The following MSH3 variants were observed in gnomAD, a reference collection of about 807,000 sequenced individuals.
The protein encoded by MSH3 is DNA mismatch repair protein Msh3.
Under a neutral mutation model 123.3 loss-of-function variants are expected in MSH3, and 106 were observed. The ratio of observed to expected loss-of-function variants is 0.86; its 90% CI spans 0.73 to 1.01. MSH3 has a LOEUF of 1.01. Among genes scored for constraint, MSH3 ranks in the 50% least tolerant of loss-of-function variants. The pLI is 0.00. For missense variants in MSH3, 1,459 were observed against 1,347.6 expected, an observed-to-expected ratio of 1.08 and a Z score of -1.29; for synonymous variants, 515 against 481.4, an observed-to-expected ratio of 1.07 and a Z score of -0.91.
chr5:80,740,602 C>T (rs1225476789), intron 10 of MSH3, among the ~76,000 whole-genome samples: 1 of 152,152 alleles, frequency 6.6e-6, no homozygotes, highest in East Asian at 1.9e-4. Flanking sequence ...CCTCGTGATC[C>T]ACCCACCTTG....
rs1744697557 is a variant in MSH3, at chr5:80,796,285, T to G, written c.2655+3441T>G. Among the ~76,000 whole-genome samples the G allele has an allele frequency of 2.6e-5, 4 of 152,150 alleles. No individual in the cohort carries two copies. In the South Asian group the frequency reaches 8.3e-4, roughly 32 times the overall value. The stretch of plus-strand genomic sequence containing the variant: ...CAAGATTTGAAGAACTAAAATAGCC[T>G]TCTGTCTAATTACAATAATGTTTTA... On this transcript the variant is annotated intron_variant, in intron 19 of 23. Coordinates refer to ENST00000265081, the MANE Select transcript of MSH3 (RefSeq NM_002439.5).
chr5:80,812,367 CT>C (rs1180084952), intron 19 of MSH3, among the ~76,000 whole-genome samples: 2 of 152,096 alleles, frequency 1.3e-5, no homozygotes, highest in African/African-American at 4.8e-5. Context: ...CTCTTTACCC[CT>C]GGTCTAAATA....
chr5:80,768,907 T>G lies in MSH3; in HGVS notation c.2157T>G (p.Ile719Met), dbSNP rs764309261. The change falls in exon 15 of 24, where the codon ATT becomes ATG. Residue 719 changes from isoleucine (I) to methionine (M), a missense_variant. Ile to Met is a conservative substitution (Grantham distance 10). Transcript: ENST00000265081. The part of the protein sequence containing the change: ...FPLIKKRKDE[I>M]QGVIDEIRMH... ...TAATAAAAAAGAGGAAGGATGAAAT[T>G]CAAGGTGTTATTGACGAGATCCGAA... 1.9e-6 allele frequency: 3 copies of G among 1,612,282 alleles called. No individual in the cohort carries two copies. Among genetic ancestry groups the G allele is most frequent in the South Asian group, 2.2e-5 (2 of 91,000 alleles).
intron 2 of MSH3, among the ~76,000 whole-genome samples, chr5:80,664,768 T>G (rs1162520587): frequency 6.6e-6 from 1 of 152,192 alleles, no homozygotes; most frequent in Non-Finnish European, 1.5e-5. Context: ...GACTTAGTAT[T>G]TAGCTCTCAG....
intron 22 of MSH3, among the ~76,000 whole-genome samples, chr5:80,868,373 C>T (rs1187015311): frequency 6.6e-6 from 1 of 151,658 alleles, no homozygotes; most frequent in Non-Finnish European, 1.5e-5. Context: ...TACCTAAATG[C>T]TTATCAACGG....
chr5:80,821,450 GA>G (rs1320111674), intron 20 of MSH3, among the ~76,000 whole-genome samples: 1 of 152,058 alleles, frequency 6.6e-6, no homozygotes, highest in African/African-American at 2.4e-5. Context: ...CTTCATCCTG[GA>G]AGTTATCATT....
chr5:80,680,422 C>CAA (rs146271102), intron 8 of MSH3, among the ~76,000 whole-genome samples: 3 of 143,950 alleles, frequency 2.1e-5, no homozygotes, highest in Admixed American at 1.4e-4. Context: ...ATTCAGAAGA[C>CAA]AAAAAAAAAA....
intron 17 of MSH3, among the ~76,000 whole-genome samples, chr5:80,780,478 C>T (rs1337354297): frequency 6.6e-6 from 1 of 152,220 alleles, no homozygotes; most frequent in Non-Finnish European, 1.5e-5. Context: ...GATTCAGCCC[C>T]AGCCATCCGG....
chr5:80,784,741 G>T lies in MSH3; in HGVS notation c.2436-2824G>T, dbSNP rs867118069. ...GAGGGCTGCCTGTCTGATGCTAGGGGCCTGTCCGTTTTGTGTTTGTGGTTT... is the reference window on the plus strand; with the variant it reads ...GAGGGCTGCCTGTCTGATGCTAGGGTCCTGTCCGTTTTGTGTTTGTGGTTT... On this transcript the variant is annotated intron_variant, in intron 17 of 23. Coordinates refer to ENST00000265081, the MANE Select transcript of MSH3 (RefSeq NM_002439.5). Among the ~76,000 whole-genome samples the T allele has an allele frequency of 3.4e-4, 51 of 152,108 alleles. 1 individual carries two copies. Among genetic ancestry groups the T allele is most frequent in the Non-Finnish European group, 1.3e-4 (9 of 68,020 alleles).
At chr5:80,669,415 T>G (rs1749650045) in intron 3 of MSH3, among the ~76,000 whole-genome samples, 1 of 152,192 alleles carries the variant, frequency 6.6e-6, no homozygotes, top group Non-Finnish European at 1.5e-5. Context: ...TCATTTACAT[T>G]TTTCTAAATT....
chr5:80,695,364 TTGCTTTTG>T (rs1750454081), intron 8 of MSH3, among the ~76,000 whole-genome samples: 1 of 152,138 alleles, frequency 6.6e-6, no homozygotes. Context: ...AGACAGAGTT[TTGCTTTTG>T]TGCCCAGGCT....
intron 20 of MSH3, among the ~76,000 whole-genome samples, chr5:80,845,663 G>A (rs777374440): frequency 9.9e-5 from 15 of 151,894 alleles, no homozygotes; most frequent in Non-Finnish European, 1.6e-4. Context: ...ATCTTCGGTC[G>A]CTGATATCCT....
intron 4 of MSH3, among the ~76,000 whole-genome samples, chr5:80,670,515 C>G (rs1334177416): frequency 6.6e-6 from 1 of 152,130 alleles, no homozygotes. Context: ...TGAGGGGTCT[C>G]TATTGGAATG....
At chr5:80,681,114 T>C (rs1380328857) in intron 8 of MSH3, among the ~76,000 whole-genome samples, 2 of 152,134 alleles carry the variant, frequency 1.3e-5, no homozygotes. Context: ...TTTGCTCACA[T>C]TGAGGGTGAT....
chr5:80,666,182 G>A (rs1327442857), intron 3 of MSH3, among the ~76,000 whole-genome samples: 1 of 152,150 alleles, frequency 6.6e-6, no homozygotes, highest in African/African-American at 2.4e-5. Flanking sequence ...ACCTTAGCCT[G>A]CAGATGAGGT....
chr5:80,670,939 G>A (rs1024889627), intron 4 of MSH3, among the ~76,000 whole-genome samples: 2 of 152,016 alleles, frequency 1.3e-5, no homozygotes, highest in Non-Finnish European at 2.9e-5. Context: ...GGCCAACATG[G>A]TGAAACCGCA....
intron 8 of MSH3, among the ~76,000 whole-genome samples, chr5:80,712,232 A>G (rs942054896): frequency 1.3e-5 from 2 of 152,214 alleles, no homozygotes; most frequent in Admixed American, 1.3e-4. Context: ...GAGCTCCTGT[A>G]TAAATCCTGT....
intron 8 of MSH3, among the ~76,000 whole-genome samples, chr5:80,688,426 C>A (rs141493779): frequency 1.3e-5 from 2 of 152,244 alleles, no homozygotes; most frequent in East Asian, 3.9e-4. Context: ...ATTCTTTATG[C>A]GGAGGCATAG....
intron 12 of MSH3, among the ~76,000 whole-genome samples, chr5:80,749,035 A>T (rs964011633): frequency 3.3e-5 from 5 of 152,108 alleles, no homozygotes; most frequent in African/African-American, 4.8e-5. Context: ...TTTTTTAATT[A>T]AAAAAATTTG....
Sources: gnomAD v4.1 joint callset for allele counts (sites outside exome capture counted in the v4.1 genomes callset) on GRCh38, gnomAD v4.1.1 for gene constraint, MANE v1.5 for transcripts, NCBI Gene and HGNC (gene_info 2026-07-23, HGNC 2026-07-21) for gene names.